Variants in ZNF516 observed in about 807,000 individuals in gnomAD.
The protein encoded by ZNF516 is zinc finger protein 516.
In ZNF516, 19 loss-of-function variants were observed where a neutral mutation model predicts 79.7. The observed-to-expected ratio is 0.24, with a 90% CI of 0.17 to 0.35. The LOEUF is 0.35. Among genes scored for constraint, ZNF516 ranks in the 10% least tolerant of loss-of-function variants. The pLI is 1.00. For missense variants in ZNF516, 1,678 were observed against 1,679.5 expected (o/e 1.00, Z 0.02); for synonymous variants, 877 against 739.5 (o/e 1.19, Z -3.02).
rs577035448 is a variant in ZNF516, at chr18:76,419,147, A to T, written c.1810+22098T>A. On this transcript the variant is annotated intron_variant, in intron 3 of 6. Coordinates refer to ENST00000443185, the MANE Select transcript of ZNF516 (RefSeq NM_014643.4). ...AATGCCAGAAATGGGTTACATCCCC[A>T]CTTTCTGAGACCCTGGGGGAATTCA... Among the ~76,000 whole-genome samples, 42 of 152,356 alleles carry T rather than the reference A, an allele frequency of 2.8e-4. 1 individual carries two copies. The highest frequency in any genetic ancestry group is 9.4e-4 in the African/African-American group (39 of 41,582).
intron 1 of ZNF516, among the ~76,000 whole-genome samples, chr18:76,472,405 G>A (rs1453634993): frequency 6.6e-6 from 1 of 152,026 alleles, no homozygotes; most frequent in African/African-American, 2.4e-5. Flanking sequence ...GGGCACACTT[G>A]CAAACGTGCA....
rs373540251 is a variant in ZNF516 at position 76,360,646 on chromosome 18, A to AAAAAATATATATATATAT, written c.*1851_*1852insATATATATATATATTTTT. 2 of 72,464 alleles carry AAAAAATATATATATATAT rather than the reference A, an allele frequency of 2.8e-5. No homozygotes were observed. Among genetic ancestry groups the AAAAAATATATATATATAT allele is most frequent in the African/African-American group, 6.1e-5 (1 of 16,376 alleles). The allele number at this position is 72,464 out of a possible 1,614,324, so 4.5% of individuals were successfully genotyped here. On this transcript the variant is annotated 3_prime_UTR_variant, in exon 7 of 7. Transcript: ENST00000443185. ...AAAAAAATAAGTAAAAAAAAAAAAA[A>AAAAAATATATATATATAT]ATATATATATATATATATATATATA...
chr18:76,489,399 TAA>T (rs1339810823), intron 1 of ZNF516, among the ~76,000 whole-genome samples: 71 of 152,216 alleles, frequency 4.7e-4, no homozygotes, highest in Non-Finnish European at 1.6e-4. Context: ...CATACGTTGC[TAA>T]ACTTAATCAC....
intron 3 of ZNF516, among the ~76,000 whole-genome samples, chr18:76,390,142 G>T (rs9972982): frequency 0.023 from 3,552 of 152,198 alleles, 134 homozygotes; most frequent in African/African-American, 0.081. Context: ...TGAATCTATG[G>T]TCACGACCCG....
intron 3 of ZNF516, among the ~76,000 whole-genome samples, chr18:76,391,643 T>C (rs1343971034): frequency 2.0e-5 from 3 of 151,942 alleles, no homozygotes; most frequent in South Asian, 2.1e-4. Context: ...AGGACAGGGG[T>C]CCCCAAACAT....
Position 76,359,440 on chromosome 18 carries a change from G to T in ZNF516, c.*3058C>A, listed in dbSNP as rs1478860771. 1 of 152,174 alleles carries T rather than the reference G, an allele frequency of 6.6e-6. No homozygotes were observed. The highest frequency in any genetic ancestry group is 1.5e-5 in the Non-Finnish European group (1 of 68,044). The allele number at this position is 152,174 out of a possible 1,614,324, so 9.4% of individuals were successfully genotyped here. A position where few individuals can be genotyped will look rare whatever the true frequency, so the allele number is the denominator to read the frequency against. Reference sequence around the variant, plus strand: ...AGAAGATCCTCAATATCTGACTTTTGAGAGAATTTAAATATTCATTCTTCA... The same window carrying T: ...AGAAGATCCTCAATATCTGACTTTTTAGAGAATTTAAATATTCATTCTTCA... On this transcript the variant is annotated 3_prime_UTR_variant, in exon 7 of 7. Transcript: ENST00000443185.
chr18:76,379,985 A>C lies in ZNF516; in HGVS notation c.2129T>G (p.Leu710Arg), dbSNP rs957820893. 3 of 1,613,988 alleles carry C rather than the reference A, an allele frequency of 1.9e-6. No homozygotes were observed. The highest frequency in any genetic ancestry group is 3.3e-5 in the Admixed American group (2 of 60,014). ...GTGTTCCTTGTTGTGCAAATCGGAC[A>C]GCTTTTCTGCAGGGTGACCCGTCTG... ...EGQTGHPAEK[L>R]SDLHNKEHSG... The change falls in exon 4 of 7, where the codon CTG becomes CGG. Residue 710 changes from leucine to arginine, a missense_variant. By Grantham distance (102) the Leu-to-Arg change is moderately radical. Coordinates refer to ENST00000443185, the MANE Select transcript of ZNF516 (RefSeq NM_014643.4).
In ZNF516 at chr18:76,381,284, G is replaced by A. The variant is rs180926349; in HGVS notation, c.1811-981C>T. 4.5e-3 allele frequency among the ~76,000 whole-genome samples: 678 copies of A among 152,236 alleles called. 6 individuals are homozygous for A. The highest frequency in any genetic ancestry group is 0.015 in the African/African-American group (631 of 41,522). On this transcript the variant is annotated intron_variant, in intron 3 of 6. Transcript: ENST00000443185. ...ATTCGGTTTTATGTTTTGCATTTAC[G>A]GCCTTGGGTTTCTGTAAATCTAGAC...
intron 2 of ZNF516, among the ~76,000 whole-genome samples, chr18:76,458,006 T>C (rs1397320441): frequency 6.6e-6 from 1 of 152,242 alleles, no homozygotes; most frequent in East Asian, 1.9e-4. Flanking sequence ...TTTGCAATGA[T>C]ATCCACCTCG....
Position 76,360,644 on chromosome 18 carries a change from A to ATATATATAT in ZNF516, c.*1853_*1854insATATATATA, listed in dbSNP as rs3991208. 1.9e-4 allele frequency: 19 copies of ATATATATAT among 101,630 alleles called. No homozygotes were observed. Among genetic ancestry groups the ATATATATAT allele is most frequent in the African/African-American group, 6.6e-4 (18 of 27,236 alleles). The allele number at this position is 101,630 out of a possible 1,614,324, so 6.3% of individuals were successfully genotyped here. ...AGAAAAAAATAAGTAAAAAAAAAAAAAAATATATATATATATATATATATA... is the reference window on the plus strand; with the variant it reads ...AGAAAAAAATAAGTAAAAAAAAAAAATATATATATAAATATATATATATATATATATATA... On this transcript the variant is annotated 3_prime_UTR_variant, in exon 7 of 7. Coordinates refer to ENST00000443185, the MANE Select transcript of ZNF516 (RefSeq NM_014643.4).
intron 3 of ZNF516, among the ~76,000 whole-genome samples, chr18:76,398,513 G>A (rs1340270716): frequency 6.6e-6 from 1 of 152,214 alleles, no homozygotes; most frequent in African/African-American, 2.4e-5. Context: ...CTGTCGGGAA[G>A]AAGGTGCTGA....
chr18:76,390,500 C>T (rs1047798122), intron 3 of ZNF516, among the ~76,000 whole-genome samples: 18 of 152,300 alleles, frequency 1.2e-4, no homozygotes, highest in African/African-American at 4.1e-4. Flanking sequence ...GTGCCCAAGA[C>T]GGCACCTGTC....
intron 1 of ZNF516, among the ~76,000 whole-genome samples, chr18:76,478,458 A>G (rs1466318818): frequency 1.3e-5 from 2 of 152,218 alleles, no homozygotes; most frequent in Non-Finnish European, 2.9e-5. Flanking sequence ...AAGGTTTAAT[A>G]TACAATACAA....
rs1248747262 is a variant in ZNF516, at chr18:76,467,959, T to C, written c.-271-4818A>G. On this transcript the variant is annotated intron_variant, in intron 1 of 6. Transcript: ENST00000443185. The surrounding 1 kb of genome is among the most constrained non-coding windows in gnomAD (Gnocchi z 4.2). ...CCCAGGCAGCCTTGCAAGCAAAGAG[T>C]AGCTGCGGCGCATTCCAGACCTCCC... 6.6e-6 allele frequency among the ~76,000 whole-genome samples: 1 copy of C among 151,800 alleles called. No homozygotes were observed. The highest frequency in any genetic ancestry group is 6.6e-5 in the Admixed American group (1 of 15,244).
intron 3 of ZNF516, among the ~76,000 whole-genome samples, chr18:76,389,731 A>C (rs968397737): frequency 2.0e-5 from 3 of 152,218 alleles, no homozygotes; most frequent in African/African-American, 7.2e-5. Flanking sequence ...TTCTTGAAAC[A>C]AAAATGCTTT....
At chr18:76,414,927 G>C (rs539542042) in intron 3 of ZNF516, among the ~76,000 whole-genome samples, 1 of 152,358 alleles carries the variant, frequency 6.6e-6, no homozygotes, top group East Asian at 1.9e-4. Flanking sequence ...ACTGGATGCG[G>C]TGGCTCACGC....
chr18:76,408,731 C>T (rs1253483345), intron 3 of ZNF516, among the ~76,000 whole-genome samples: 6 of 152,232 alleles, frequency 3.9e-5, no homozygotes, highest in African/African-American at 9.6e-5. Flanking sequence ...TTTGTGTTCG[C>T]TCGCTAATTC....
chr18:76,421,415 A>C (rs2075505641), intron 3 of ZNF516, among the ~76,000 whole-genome samples: 1 of 152,198 alleles, frequency 6.6e-6, no homozygotes, highest in Non-Finnish European at 1.5e-5. Context: ...AACAAGTCCC[A>C]CGTCCTAACT....
intron 3 of ZNF516, among the ~76,000 whole-genome samples, chr18:76,410,418 A>G (rs1046596868): frequency 6.6e-6 from 1 of 152,222 alleles, no homozygotes; most frequent in Non-Finnish European, 1.5e-5. Context: ...ACAGCTCCTG[A>G]GATGGGTTGA....
Sources: gnomAD v4.1 joint callset for allele counts (sites outside exome capture counted in the v4.1 genomes callset) on GRCh38, gnomAD v4.1.1 for gene constraint, Gnocchi (gnomAD v3.1) non-coding constraint, MANE v1.5 for transcripts, NCBI Gene and HGNC (gene_info 2026-07-23, HGNC 2026-07-21) for gene names.